ARHGAP12: variants seen among roughly 807,000 people sequenced by gnomAD.
ARHGAP12 encodes the protein Rho GTPase activating protein 12.
A neutral mutation model predicts 108.6 loss-of-function variants in ARHGAP12; 64 were observed. That is an observed-to-expected ratio of 0.59 (90% CI 0.48 to 0.73). The LOEUF is 0.73. ARHGAP12 is among the 30% of genes least tolerant of loss of function. The probability of loss-of-function intolerance (pLI) is 0.00; values close to 1 mark genes in which losing one functional copy is unlikely to be tolerated. For missense variants in ARHGAP12, 940 were observed against 1,005.9 expected, an observed-to-expected ratio of 0.93 and a Z score of 0.89; for synonymous variants, 312 against 337.2, an observed-to-expected ratio of 0.93 and a Z score of 0.82.
chr10:31,809,472 G>A (rs1834936660), intron 16 of ARHGAP12, 165 bp from the exon 17 acceptor site: 1 of 610,700 alleles, frequency 1.6e-6, no homozygotes, highest in Non-Finnish European at 2.9e-6. Context: ...CTTGGCAGGG[G>A]AGAGAGATGG....
chr10:31,814,422 G>T, intron 13 of ARHGAP12, 61 bp from the exon 14 acceptor site: 1 of 1,327,210 alleles, frequency 7.5e-7, no homozygotes. Context: ...AGTTGGAATG[G>T]CATAATTCTC....
chr10:31,902,736 TA>T (rs898713387), intron 3 of ARHGAP12, among the ~76,000 whole-genome samples: 2 of 151,240 alleles, frequency 1.3e-5, no homozygotes, highest in Non-Finnish European at 3.0e-5. Context: ...ACTATAAACT[TA>T]AAAAAAAATA....
At chr10:31,826,489 T>C in intron 10 of ARHGAP12, 104 bp from the exon 11 acceptor site, 1 of 810,872 alleles carries the variant, frequency 1.2e-6, no homozygotes, top group Non-Finnish European at 1.9e-6. Context: ...ATCTACAATT[T>C]ACAGCCTTGT....
intron 12 of ARHGAP12, among the ~76,000 whole-genome samples, chr10:31,818,320 T>C (rs1024641748): frequency 1.8e-4 from 27 of 152,280 alleles, no homozygotes; most frequent in African/African-American, 6.0e-4. Flanking sequence ...GAAGAAAGAA[T>C]ACATAAAGAC....
rs764679470 is a variant in ARHGAP12, at chr10:31,843,603, C to CA, written c.1171-18dup. 7 of 1,562,298 alleles carry CA rather than the reference C, an allele frequency of 4.5e-6. No individual in the cohort carries two copies. In the South Asian group the frequency reaches 8.5e-5, roughly 19 times the overall value. On this transcript the variant is annotated splice_polypyrimidine_tract_variant and intron_variant, in intron 6 of 19. Transcript: ENST00000344936. ...AGCATTATACTAAAACAAAACAAAG[C>CA]AAAAAACACAAAAAACAGTTCATAA...
At chr10:31,910,874 C>G (rs185883961) in intron 1 of ARHGAP12, among the ~76,000 whole-genome samples, 1 of 152,274 alleles carries the variant, frequency 6.6e-6, no homozygotes, top group Admixed American at 6.5e-5. Flanking sequence ...CAACAAACAT[C>G]TCTTCTATTA....
intron 13 of ARHGAP12, 51 bp from the exon 14 acceptor site, chr10:31,814,412 A>G (rs1204226836): frequency 7.1e-7 from 1 of 1,402,124 alleles, no homozygotes. Flanking sequence ...GTATTACTAT[A>G]GTTGGAATGG....
At chr10:31,873,460 G>C (rs1054994374) in intron 3 of ARHGAP12, among the ~76,000 whole-genome samples, 3 of 152,152 alleles carry the variant, frequency 2.0e-5, no homozygotes, top group African/African-American at 7.2e-5. Flanking sequence ...TAAAACTTGA[G>C]TTATTCAGTC....
chr10:31,890,663 T>C (rs746711289), intron 3 of ARHGAP12, among the ~76,000 whole-genome samples: 13 of 152,204 alleles, frequency 8.5e-5, no homozygotes, highest in Non-Finnish European at 1.9e-4. Flanking sequence ...AGCAGCAAGC[T>C]AGGATTTGGA....
chr10:31,810,865 C>T (rs1448900329), intron 15 of ARHGAP12, 118 bp from the exon 16 acceptor site: 1 of 727,418 alleles, frequency 1.4e-6, no homozygotes, highest in Non-Finnish European at 2.3e-6. Context: ...TTTAACATGG[C>T]CCTATGCCTT....
At chr10:31,925,974 G>C (rs1485265546) in intron 1 of ARHGAP12, among the ~76,000 whole-genome samples, 1 of 151,720 alleles carries the variant, frequency 6.6e-6, no homozygotes, top group Non-Finnish European at 1.5e-5. Context: ...TTTTTTCCAC[G>C]TGCTTACTTT....
At chr10:31,814,162 G>T in intron 14 of ARHGAP12, 97 bp downstream of exon 14, 2 of 935,132 alleles carry the variant, frequency 2.1e-6, no homozygotes, top group South Asian at 1.5e-5. Context: ...TTGTAACATT[G>T]GACATTCCAT....
chr10:31,845,776 G>C lies in ARHGAP12; in HGVS notation c.1171-2190C>G, dbSNP rs180983323. ...CTCCAGCTTGGGCGACAGAGTGATAGTCTGTCTCAAAAAAATAAAGAAAGA... is the reference window on the plus strand; with the variant it reads ...CTCCAGCTTGGGCGACAGAGTGATACTCTGTCTCAAAAAAATAAAGAAAGA... On this transcript the variant is annotated intron_variant, in intron 6 of 19. Transcript: ENST00000344936. Among the ~76,000 whole-genome samples the C allele has an allele frequency of 3.0e-3, 457 of 152,116 alleles. 2 individuals carry two copies. The highest frequency in any genetic ancestry group is 4.7e-3 in the Non-Finnish European group (317 of 67,982).
In ARHGAP12 at chr10:31,879,325, T is replaced by C. The variant is rs551481085; in HGVS notation, c.685-17667A>G. On this transcript the variant is annotated intron_variant, in intron 3 of 19. Coordinates refer to ENST00000344936, the MANE Select transcript of ARHGAP12 (RefSeq NM_018287.7). ...TACTTGGGAAGCTGAGGCTGGAGGA[T>C]TGCTTGTGCCTGGAAGGCAGAGGTC... Among the ~76,000 whole-genome samples the C allele has an allele frequency of 1.1e-4, 17 of 152,144 alleles. 1 individual carries two copies. The East Asian group carries it at 1.4e-3, about 12-fold the overall frequency.
chr10:31,872,237 T>G (rs1158943883), intron 3 of ARHGAP12, among the ~76,000 whole-genome samples: 1 of 152,026 alleles, frequency 6.6e-6, no homozygotes, highest in Non-Finnish European at 1.5e-5. Flanking sequence ...GTTTTTATAG[T>G]CTCCTGGGAA....
intron 6 of ARHGAP12, among the ~76,000 whole-genome samples, chr10:31,852,079 CTCAG>C (rs1426952626): frequency 3.3e-5 from 5 of 152,094 alleles, no homozygotes; most frequent in Admixed American, 2.6e-4. Flanking sequence ...TTGCCTATAT[CTCAG>C]TCAATGAATG....
intron 1 of ARHGAP12, among the ~76,000 whole-genome samples, chr10:31,912,705 T>C (rs1368755122): frequency 6.6e-6 from 1 of 151,990 alleles, no homozygotes; most frequent in African/African-American, 2.4e-5. Context: ...GACAATGGGA[T>C]AGAAAGTAAG....
rs115673404 is a variant in ARHGAP12, at chr10:31,837,538, G to A, written c.1386+1767C>T. Among the ~76,000 whole-genome samples, 1,386 of 152,228 alleles carry A rather than the reference G, an allele frequency of 9.1e-3. 21 individuals carry two copies. The highest frequency in any genetic ancestry group is 0.031 in the African/African-American group (1,295 of 41,524). ...AAAGAAGAGAACATTATTCTGCTAC[G>A]TTAGTCTGACAAAGCTTTCTGGAAG... On this transcript the variant is annotated intron_variant, in intron 9 of 19. Transcript: ENST00000344936.
intron 7 of ARHGAP12, among the ~76,000 whole-genome samples, chr10:31,840,436 T>C (rs1197423918): frequency 1.3e-5 from 2 of 152,036 alleles, no homozygotes; most frequent in Non-Finnish European, 2.9e-5. Flanking sequence ...GGACTATTCA[T>C]GGAGGGTAAG....
Sources: allele counts gnomAD v4.1 joint callset (sites outside exome capture counted in the v4.1 genomes callset), GRCh38; gene constraint gnomAD v4.1.1; transcripts MANE v1.5; gene names NCBI Gene and HGNC (gene_info 2026-07-23, HGNC 2026-07-21).